SGCZ: variants seen among roughly 807,000 people sequenced by gnomAD.
SGCZ encodes sarcoglycan zeta, also known as zeta-sarcoglycan.
Under a neutral mutation model 41.3 loss-of-function variants are expected in SGCZ, and 40 were observed. That is an observed-to-expected ratio of 0.97 (90% CI 0.75 to 1.26). The LOEUF is 1.26. SGCZ is among the 50% of genes most tolerant of loss of function. SGCZ has a pLI of 0.00. For missense variants in SGCZ, 552 were observed against 369.8 expected, an observed-to-expected ratio of 1.49 and a Z score of -4.04; for synonymous variants, 206 against 137.5, an observed-to-expected ratio of 1.50 and a Z score of -3.49.
chr8:14,180,168 T>C (rs1804675103), intron 4 of SGCZ, among the ~76,000 whole-genome samples: 1 of 152,226 alleles, frequency 6.6e-6, no homozygotes, highest in East Asian at 1.9e-4. Context: ...GTGGAGCCCA[T>C]CACCAAAAAC....
intron 4 of SGCZ, among the ~76,000 whole-genome samples, chr8:14,226,372 G>T (rs1035933262): frequency 3.3e-5 from 5 of 151,988 alleles, no homozygotes; most frequent in Non-Finnish European, 5.9e-5. Context: ...AAACTCTCTT[G>T]TGCTATCGCT....
intron 1 of SGCZ, among the ~76,000 whole-genome samples, chr8:14,633,786 C>T (rs892811703): frequency 6.6e-6 from 1 of 151,850 alleles, no homozygotes; most frequent in East Asian, 1.9e-4. Flanking sequence ...TAATAAAAGA[C>T]CTGATGCTAA....
At chr8:14,620,902 T>C (rs1208777873) in intron 1 of SGCZ, among the ~76,000 whole-genome samples, 3 of 152,144 alleles carry the variant, frequency 2.0e-5, no homozygotes, top group South Asian at 4.1e-4. Context: ...GGATCTAGAA[T>C]TAGAAATACC....
intron 1 of SGCZ, among the ~76,000 whole-genome samples, chr8:14,793,287 G>A (rs1801016161): frequency 6.6e-6 from 1 of 152,146 alleles, no homozygotes; most frequent in Admixed American, 6.6e-5. Flanking sequence ...TGTAACAGAT[G>A]TCCCTGCTTC....
rs1033534138 is a variant in SGCZ, at chr8:14,256,438, C to G, written c.337-18759G>C. Among the ~76,000 whole-genome samples the G allele has an allele frequency of 2.0e-5, 3 of 152,194 alleles. No individual in the cohort carries two copies. The East Asian group carries it at 5.8e-4, about 29-fold the overall frequency. The stretch of plus-strand genomic sequence containing the variant: ...CTCTGATCTATCATTCTACAAGATA[C>G]CTAAATATAAAACATTTCAGCTCCT... On this transcript the variant is annotated intron_variant, in intron 3 of 7. Transcript: ENST00000382080.
intron 1 of SGCZ, among the ~76,000 whole-genome samples, chr8:14,839,131 G>T (rs1272701867): frequency 6.6e-6 from 1 of 152,166 alleles, no homozygotes; most frequent in African/African-American, 2.4e-5. Context: ...TAACACTCCA[G>T]CTGAGAATTG....
intron 2 of SGCZ, among the ~76,000 whole-genome samples, chr8:14,520,123 T>C (rs1469705183): frequency 6.6e-6 from 1 of 152,152 alleles, no homozygotes; most frequent in Non-Finnish European, 1.5e-5. Context: ...TAATACATCC[T>C]GCCAAGTCCT....
Position 14,406,232 on chromosome 8 carries a change from G to A in SGCZ, c.235-82028C>T, listed in dbSNP as rs1294306917. 2.6e-5 allele frequency among the ~76,000 whole-genome samples: 4 copies of A among 152,024 alleles called. No homozygotes were observed. In the East Asian group the frequency reaches 5.8e-4, roughly 22 times the overall value. The stretch of plus-strand genomic sequence containing the variant: ...CTTTGCAAGACTGGTTCCATCTTCC[G>A]ATGTCGGGCTCAGTTCTCATCTCAC... On this transcript the variant is annotated intron_variant, in intron 2 of 7. Transcript: ENST00000382080.
At chr8:15,187,058 C>T (rs185332492) in intron 1 of SGCZ, among the ~76,000 whole-genome samples, 2 of 152,094 alleles carry the variant, frequency 1.3e-5, no homozygotes, top group Non-Finnish European at 2.9e-5. Flanking sequence ...TCGCATAAAT[C>T]AGCCAACAAG....
intron 3 of SGCZ, among the ~76,000 whole-genome samples, chr8:14,252,891 C>T (rs532924665): frequency 6.6e-6 from 1 of 152,252 alleles, no homozygotes; most frequent in East Asian, 1.9e-4. Flanking sequence ...TACTGGCTTT[C>T]CATTATCTTT....
chr8:14,108,306 C>T (rs1195381251), intron 5 of SGCZ, 71 bp from the exon 6 acceptor site: 1 of 1,345,768 alleles, frequency 7.4e-7, no homozygotes. Flanking sequence ...TATGTTTATG[C>T]ATCAAATATT....
chr8:15,106,054 A>T (rs1806812425), intron 1 of SGCZ, among the ~76,000 whole-genome samples: 1 of 152,194 alleles, frequency 6.6e-6, no homozygotes, highest in African/African-American at 2.4e-5. Context: ...CAAATTGATT[A>T]AATTATCATG....
chr8:14,121,464 A>G (rs900152792), intron 5 of SGCZ, among the ~76,000 whole-genome samples: 1 of 152,106 alleles, frequency 6.6e-6, no homozygotes, highest in Non-Finnish European at 1.5e-5. Flanking sequence ...TACCCGTTTA[A>G]TTAATTGTTT....
chr8:14,846,701 TCCAAAAAAAAAAAA>T (rs1803120212), intron 1 of SGCZ, among the ~76,000 whole-genome samples: 1 of 102,078 alleles, frequency 9.8e-6, no homozygotes, highest in Non-Finnish European at 1.9e-5. Flanking sequence ...ACCCTTTAAA[TCCAAAAAAAAAAAA>T]AAAAAAAAAA....
intron 1 of SGCZ, among the ~76,000 whole-genome samples, chr8:14,703,692 T>C (rs1015173039): frequency 1.3e-5 from 2 of 151,972 alleles, no homozygotes; most frequent in African/African-American, 4.8e-5. Context: ...AAAACCAGTG[T>C]TTCCGGAAAT....
chr8:14,686,762 T>C (rs1808624695), intron 1 of SGCZ, among the ~76,000 whole-genome samples: 1 of 152,084 alleles, frequency 6.6e-6, no homozygotes, highest in South Asian at 2.1e-4. Context: ...GTTTTGAATA[T>C]GATAAATATG....
chr8:14,873,905 G>A (rs1804254434), intron 1 of SGCZ, among the ~76,000 whole-genome samples: 1 of 152,110 alleles, frequency 6.6e-6, no homozygotes. Flanking sequence ...GCTTCTTCTT[G>A]GAAGTGGCAG....
chr8:14,605,732 T>A lies in SGCZ; in HGVS notation c.40-50806A>T, dbSNP rs57946613. Among the ~76,000 whole-genome samples, 322 of 152,348 alleles carry A rather than the reference T, an allele frequency of 2.1e-3. 1 individual carries two copies. Among genetic ancestry groups the A allele is most frequent in the Middle Eastern group, 6.8e-3 (2 of 294 alleles). ...CTTCACTTCTTATTTGCAGATATAG[T>A]TACTGTTTCATTAGAAACTGTGTAA... is the stretch of plus-strand genomic sequence containing the variant. On this transcript the variant is annotated intron_variant, in intron 1 of 7. Coordinates refer to ENST00000382080, the MANE Select transcript of SGCZ (RefSeq NM_139167.4).
chr8:14,102,475 C>G lies in SGCZ; in HGVS notation c.645G>C (p.Leu215Phe). Residue 215 changes from leucine to phenylalanine, a missense_variant, in exon 7 of 8, where the codon TTG becomes TTC. Physicochemically the swap from Leu to Phe is conservative, Grantham distance 22 (BLOSUM62 0). Transcript: ENST00000382080. ...GGACCCCACGGGGAGCTTCCATGAT[C>G]AAGGATCTGGTGGGTGATTCAAGCC... ...DLRLESPTRS[L>F]IMEAPRGVQV... 1 of 1,482,026 alleles carries G rather than the reference C, an allele frequency of 6.7e-7. No homozygotes were observed. The highest frequency in any genetic ancestry group is 9.1e-7 in the Non-Finnish European group (1 of 1,099,702). The allele number at this position is 1,482,026 out of a possible 1,614,324, so 91.8% of individuals were successfully genotyped here. A position where few individuals can be genotyped will look rare whatever the true frequency, so the allele number is the denominator to read the frequency against.
Sources: allele counts gnomAD v4.1 joint callset (sites outside exome capture counted in the v4.1 genomes callset), GRCh38; gene constraint gnomAD v4.1.1; transcripts MANE v1.5; gene names NCBI Gene and HGNC (gene_info 2026-07-23, HGNC 2026-07-21).